Variants in HSF2 observed in about 807,000 individuals in gnomAD.
The protein encoded by HSF2 is heat shock factor protein 2.
In HSF2, 21 loss-of-function variants were observed where a neutral mutation model predicts 65.0. That is an observed-to-expected ratio of 0.32 (90% CI 0.23 to 0.47). HSF2 has a LOEUF of 0.47. HSF2 is among the 20% of genes least tolerant of loss of function. HSF2 has a pLI of 1.00. For synonymous variants in HSF2, 225 were observed against 219.1 expected (o/e 1.03, Z -0.24); for missense variants, 499 against 628.1 (o/e 0.79, Z 2.20).
At chr6:122,399,613 G>T, upstream of HSF2, 1 of 740,678 alleles carries the variant, frequency 1.4e-6, no homozygotes, top group Non-Finnish European at 2.2e-6. Flanking sequence ...CGGGGTTGGG[G>T]GGGCGGGGAC....
chr6:122,415,965 C>T (rs1226500962), intron 4 of HSF2, among the ~76,000 whole-genome samples: 2 of 151,758 alleles, frequency 1.3e-5, no homozygotes, highest in Non-Finnish European at 2.9e-5. Flanking sequence ...TGCAATGAGC[C>T]GAGATCGTAC....
rs72956415 is a variant in HSF2 at position 122,400,747 on chromosome 6, C to G, written c.93+917C>G. Among the ~76,000 whole-genome samples, 896 of 152,294 alleles carry G rather than the reference C, an allele frequency of 5.9e-3. 2 individuals carry two copies. The highest frequency in any genetic ancestry group is 0.017 in the Middle Eastern group (5 of 294). On this transcript the variant is annotated intron_variant, in intron 1 of 12. Coordinates refer to ENST00000368455, the MANE Select transcript of HSF2 (RefSeq NM_004506.4). ...ATTATTTACATCCACAGTGCATGTG[C>G]ATTAGAATACACTCCTAGGCTGTTG...
intron 1 of HSF2, among the ~76,000 whole-genome samples, chr6:122,400,117 CCGGCCCGGCGTCGCGAGGGGAAT>C (rs1773691573): frequency 6.6e-6 from 1 of 152,160 alleles, no homozygotes; most frequent in African/African-American, 2.4e-5. Flanking sequence ...GCGTTCGGAA[CCGGCCCGGCGTCGCGAGGGGAAT>C]CGGCGAGCCG....
Position 122,431,415 on chromosome 6 carries a change from A to ATTT in HSF2, c.1231-10_1231-8dup. ...ATATGAAACAAGTACTTATATATATATTTTTTTCTTTTAGTCTGAGAATAA... is the reference window on the plus strand; with the variant it reads ...ATATGAAACAAGTACTTATATATATATTTTTTTTTTCTTTTAGTCTGAGAATAA... On this transcript the variant is annotated splice_polypyrimidine_tract_variant and intron_variant, in intron 11 of 12. Transcript: ENST00000368455. 1 of 1,344,504 alleles carries ATTT rather than the reference A, an allele frequency of 7.4e-7. No homozygotes were observed. Among genetic ancestry groups the ATTT allele is most frequent in the Non-Finnish European group, 1.0e-6 (1 of 989,074 alleles). 83.3% of individuals were successfully genotyped at this position (1,344,504 alleles called of 1,614,324 possible). A position where few individuals can be genotyped will look rare whatever the true frequency, so the allele number is the denominator to read the frequency against.
rs900131324 is a variant in HSF2 at position 122,413,606 on chromosome 6, A to C, written c.412A>C (p.Ile138Leu). 1.2e-6 allele frequency: 2 copies of C among 1,605,476 alleles called. No individual in the cohort carries two copies. Among genetic ancestry groups the C allele is most frequent in the Admixed American group, 1.7e-5 (1 of 59,812 alleles). The change falls in exon 4 of 13, where the codon ATA becomes CTA. Residue 138 changes from isoleucine to leucine, a missense_variant. By Grantham distance (5) the Ile-to-Leu change is conservative. Around this residue, in one of 2 missense-constraint regions of HSF2, gnomAD observed 150 missense variants for 234.6 expected, o/e 0.64. Transcript: ENST00000368455. ...TATAAGTAGTGCTCAGAAGGTTCAG[A>C]TAAAACAGGAAACTATTGAGTCCAG... ...KIISSAQKVQ[I>L]KQETIESRLS...
Position 122,427,883 on chromosome 6 carries a change from T to C in HSF2, c.1177-20T>C. 1.3e-6 allele frequency: 2 copies of C among 1,568,300 alleles called. No homozygotes were observed. The highest frequency in any genetic ancestry group is 1.7e-6 in the Non-Finnish European group (2 of 1,145,016). On this transcript the variant is annotated intron_variant, in intron 10 of 12. Transcript: ENST00000368455. ...TTAATTATTTTTTAAACTTATCATCTTTCTTGTTTGGTCTTTCAGCTTTTC... is the reference window on the plus strand; with the variant it reads ...TTAATTATTTTTTAAACTTATCATCCTTCTTGTTTGGTCTTTCAGCTTTTC...
In HSF2 at chr6:122,431,416, T is replaced by TATATA; in HGVS notation, c.1231-14_1231-13insATATA. ...TATGAAACAAGTACTTATATATATA[T>TATATA]TTTTTTCTTTTAGTCTGAGAATAAA... On this transcript the variant is annotated splice_polypyrimidine_tract_variant and intron_variant, in intron 11 of 12. Transcript: ENST00000368455. 1 of 1,350,632 alleles carries TATATA rather than the reference T, an allele frequency of 7.4e-7. No individual in the cohort carries two copies. The highest frequency in any genetic ancestry group is 1.0e-6 in the Non-Finnish European group (1 of 999,416). 83.7% of individuals were successfully genotyped at this position (1,350,632 alleles called of 1,614,324 possible).
chr6:122,412,540 T>G, intron 2 of HSF2, 59 bp downstream of exon 2: 2 of 1,547,318 alleles, frequency 1.3e-6, no homozygotes, highest in Non-Finnish European at 1.8e-6. Context: ...AAGCCATTTT[T>G]TTTCCCATTA....
chr6:122,429,094 G>A (rs1451874602), intron 11 of HSF2, among the ~76,000 whole-genome samples: 5 of 152,020 alleles, frequency 3.3e-5, no homozygotes, highest in African/African-American at 1.2e-4. Context: ...TTACAGACAG[G>A]CAGCATGCTG....
chr6:122,405,185 T>G (rs1773840996), intron 1 of HSF2, among the ~76,000 whole-genome samples: 1 of 149,510 alleles, frequency 6.7e-6, no homozygotes, highest in African/African-American at 2.5e-5. Context: ...CTGGGGAGGC[T>G]GAGTTGGGAG....
At position 122,412,646 on chromosome 6, in the gene HSF2, G is replaced by A. The variant is rs760953128; in HGVS notation, c.212G>A (p.Arg71His). Residue 71 changes from arginine (R) to histidine (H), a missense_variant, in exon 3 of 13, where the codon CGT becomes CAT. Arg to His is a conservative substitution (Grantham distance 29). Around this residue, in one of 2 missense-constraint regions of HSF2, gnomAD observed 150 missense variants for 234.6 expected, o/e 0.64. Coordinates refer to ENST00000368455, the MANE Select transcript of HSF2 (RefSeq NM_004506.4). ...TTTGAATATTTTTCAGATGGTTTCC[G>A]TAAAGTAGTACATATCGACTCTGGA... ...FVRQLNMYGF[R>H]KVVHIDSGIV... The A allele has an allele frequency of 3.1e-6, 5 of 1,610,512 alleles. No homozygotes were observed. Among genetic ancestry groups the A allele is most frequent in the Admixed American group, 1.7e-5 (1 of 59,736 alleles).
Position 122,432,348 on chromosome 6 carries a change from C to A in HSF2, c.*128C>A. 1.3e-6 allele frequency: 1 copy of A among 761,930 alleles called. No individual in the cohort carries two copies. The highest frequency in any genetic ancestry group is 2.1e-6 in the Non-Finnish European group (1 of 478,772). The allele number at this position is 761,930 out of a possible 1,614,324, so 47.2% of individuals were successfully genotyped here. A position where few individuals can be genotyped will look rare whatever the true frequency, so the allele number is the denominator to read the frequency against. Reference sequence around the variant, plus strand: ...TTAATCAGATACTGTGGAATAAAAGCACCTTTTGCTTTTCTCACTAACCAC... The same window carrying A: ...TTAATCAGATACTGTGGAATAAAAGAACCTTTTGCTTTTCTCACTAACCAC... On this transcript the variant is annotated 3_prime_UTR_variant, in exon 13 of 13. Transcript: ENST00000368455.
intron 5 of HSF2, among the ~76,000 whole-genome samples, chr6:122,416,550 G>A (rs1203981052): frequency 2.0e-5 from 3 of 152,152 alleles, no homozygotes; most frequent in Non-Finnish European, 4.4e-5. Context: ...ATGATCTTTT[G>A]CCTAATATAA....
intron 1 of HSF2, among the ~76,000 whole-genome samples, chr6:122,403,251 A>C (rs926993890): frequency 6.6e-6 from 1 of 152,212 alleles, no homozygotes; most frequent in Admixed American, 6.5e-5. Flanking sequence ...TTGAAATTAT[A>C]CTTAAATATG....
chr6:122,400,302 C>A (rs1773698326), intron 1 of HSF2, among the ~76,000 whole-genome samples: 1 of 152,184 alleles, frequency 6.6e-6, no homozygotes, highest in South Asian at 2.1e-4. Context: ...ACCGATCACC[C>A]CCAGTTCCCC....
chr6:122,423,459 A>G (rs1490646109), intron 9 of HSF2, 122 bp from the exon 10 acceptor site: 3 of 502,456 alleles, frequency 6.0e-6, no homozygotes, highest in Non-Finnish European at 1.1e-5. Context: ...TCTTAAGATT[A>G]AGAACCGGTA....
At chr6:122,411,128 C>T (rs1041985752) in intron 1 of HSF2, among the ~76,000 whole-genome samples, 36 of 151,308 alleles carry the variant, frequency 2.4e-4, no homozygotes, top group African/African-American at 8.7e-4. Context: ...TTGTTTTATG[C>T]GTTTTTGATA....
At chr6:122,406,250 G>T (rs1265534426) in intron 1 of HSF2, among the ~76,000 whole-genome samples, 2 of 152,158 alleles carry the variant, frequency 1.3e-5, no homozygotes, top group East Asian at 3.8e-4. Flanking sequence ...AATATTTTAG[G>T]TAAGGTGATG....
chr6:122,422,061 A>G, intron 7 of HSF2, 89 bp from the exon 8 acceptor site: 1 of 856,656 alleles, frequency 1.2e-6, no homozygotes, highest in Non-Finnish European at 1.8e-6. Context: ...TTCAGTAAAT[A>G]GTAGTTGCCT....
Sources: allele counts gnomAD v4.1 joint callset (sites outside exome capture counted in the v4.1 genomes callset), GRCh38; gene constraint gnomAD v4.1.1; regional missense constraint gnomAD v4.1.1; transcripts MANE v1.5; gene names NCBI Gene and HGNC (gene_info 2026-07-23, HGNC 2026-07-21).